The following GPC6 variants were observed in gnomAD, a reference collection of about 807,000 sequenced individuals.
The protein encoded by GPC6 is glypican 6, also known as glypican-6.
GPC6 carries 14 observed loss-of-function variants against 55.2 expected under a neutral mutation model. The observed-to-expected ratio is 0.25, with a 90% CI of 0.17 to 0.40. The LOEUF is 0.40. Among genes scored for constraint, GPC6 ranks in the 10% least tolerant of loss-of-function variants. GPC6 has a pLI of 1.00. For synonymous variants in GPC6, 278 were observed against 259.6 expected (o/e 1.07, Z -0.68); for missense variants, 641 against 708.5 (o/e 0.90, Z 1.08).
At chr13:93,528,334 C>CA (rs368744682) in intron 1 of GPC6, among the ~76,000 whole-genome samples, 2 of 152,234 alleles carry the variant, frequency 1.3e-5, no homozygotes, top group African/African-American at 4.8e-5. Flanking sequence ...ACTGCAACTG[C>CA]AATAAACTTG....
intron 1 of GPC6, among the ~76,000 whole-genome samples, chr13:93,489,390 A>G (rs1396455531): frequency 2.0e-5 from 3 of 151,308 alleles, no homozygotes; most frequent in Admixed American, 6.6e-5. Flanking sequence ...AGTATAGTTT[A>G]AAGACAGGTA....
At chr13:93,347,357 G>A (rs919422848) in intron 1 of GPC6, among the ~76,000 whole-genome samples, 16 of 152,102 alleles carry the variant, frequency 1.1e-4, no homozygotes, top group African/African-American at 3.6e-4. Context: ...TTATCTTCCT[G>A]ATGTTGCAAG....
chr13:94,146,378 C>T (rs1007681652), intron 4 of GPC6, among the ~76,000 whole-genome samples: 6 of 152,074 alleles, frequency 3.9e-5, no homozygotes, highest in African/African-American at 1.4e-4. Context: ...GACAGTCTCA[C>T]CAATCAAGTA....
chr13:93,860,171 C>T (rs1239359212), intron 3 of GPC6, among the ~76,000 whole-genome samples: 1 of 151,570 alleles, frequency 6.6e-6, no homozygotes, highest in East Asian at 2.0e-4. Flanking sequence ...ATTCTTTCTT[C>T]AGAGGTTCTT....
rs564562503 is a variant in GPC6 at position 93,812,385 on chromosome 13, C to CT, written c.320-17769_320-17768insT. Reference sequence around the variant, plus strand: ...TGGGTGACAGAGCAAGACTCTGTCTCGGAAAAAAAAAAAAGAAGGAGATCT... The same window carrying CT: ...TGGGTGACAGAGCAAGACTCTGTCTCTGGAAAAAAAAAAAAGAAGGAGATCT... On this transcript the variant is annotated intron_variant, in intron 2 of 8. Coordinates refer to ENST00000377047, the MANE Select transcript of GPC6 (RefSeq NM_005708.5). Among the ~76,000 whole-genome samples the CT allele has an allele frequency of 3.0e-3, 438 of 147,790 alleles. 1 individual carries two copies. The highest frequency in any genetic ancestry group is 0.01 in the African/African-American group (417 of 39,864).
At chr13:93,261,600 G>A (rs1877151220) in intron 1 of GPC6, among the ~76,000 whole-genome samples, 1 of 152,226 alleles carries the variant, frequency 6.6e-6, no homozygotes, top group Admixed American at 6.5e-5. Flanking sequence ...AGAGAAAACA[G>A]TGTCTATTCC....
Position 94,272,579 on chromosome 13 carries a change from T to C in GPC6, c.878-13770T>C, listed in dbSNP as rs577397510. The stretch of plus-strand genomic sequence containing the variant: ...CGCCTCCCAGGTTCATGCCATTCTC[T>C]TGCCTCAGCCTCCCAAGTAGCTGGG... On this transcript the variant is annotated intron_variant, in intron 4 of 8. Coordinates refer to ENST00000377047, the MANE Select transcript of GPC6 (RefSeq NM_005708.5). 1.2e-3 allele frequency among the ~76,000 whole-genome samples: 184 copies of C among 150,204 alleles called. 2 individuals are homozygous for C. The highest frequency in any genetic ancestry group is 3.4e-3 in the Middle Eastern group (1 of 294).
At chr13:94,301,822 C>T (rs765942067) in intron 5 of GPC6, among the ~76,000 whole-genome samples, 3 of 152,184 alleles carry the variant, frequency 2.0e-5, no homozygotes, top group Non-Finnish European at 2.9e-5. Context: ...CCATCTCCAG[C>T]CATAACCAAC....
chr13:93,311,414 C>A (rs1879063679), intron 1 of GPC6, among the ~76,000 whole-genome samples: 1 of 152,154 alleles, frequency 6.6e-6, no homozygotes, highest in African/African-American at 2.4e-5. Context: ...GCCCTGGACT[C>A]ATCTTAAGTC....
intron 6 of GPC6, among the ~76,000 whole-genome samples, chr13:94,368,179 C>G (rs1038565620): frequency 6.6e-6 from 1 of 151,042 alleles, no homozygotes; most frequent in Non-Finnish European, 1.5e-5. Context: ...ACCACACCAC[C>G]GCGAAAATAT....
chr13:93,842,133 C>G (rs1887975652), intron 3 of GPC6, among the ~76,000 whole-genome samples: 1 of 151,998 alleles, frequency 6.6e-6, no homozygotes, highest in East Asian at 1.9e-4. Flanking sequence ...TGAAAATGGA[C>G]AACATTTAGT....
intron 4 of GPC6, among the ~76,000 whole-genome samples, chr13:94,113,987 A>G (rs1377215244): frequency 6.9e-6 from 1 of 145,870 alleles, no homozygotes; most frequent in African/African-American, 2.6e-5. Flanking sequence ...ACTGCACTCC[A>G]GCCTGAGTGA....
At chr13:94,213,554 C>G (rs956852100) in intron 4 of GPC6, among the ~76,000 whole-genome samples, 2 of 152,196 alleles carry the variant, frequency 1.3e-5, no homozygotes, top group Non-Finnish European at 2.9e-5. Flanking sequence ...CCTCATGCCC[C>G]TGTGGGTAGC....
intron 1 of GPC6, among the ~76,000 whole-genome samples, chr13:93,500,139 T>C (rs1880468069): frequency 6.6e-6 from 1 of 152,150 alleles, no homozygotes; most frequent in Admixed American, 6.6e-5. Context: ...CACGAGCAGA[T>C]AGGACAGATG....
intron 4 of GPC6, among the ~76,000 whole-genome samples, chr13:94,093,136 T>A (rs1469556378): frequency 6.6e-6 from 1 of 152,146 alleles, no homozygotes; most frequent in African/African-American, 2.4e-5. Flanking sequence ...CATTTGTCTA[T>A]TTTTGCTTTT....
intron 2 of GPC6, among the ~76,000 whole-genome samples, chr13:93,586,186 C>T (rs530231204): frequency 6.6e-6 from 1 of 152,190 alleles, no homozygotes; most frequent in South Asian, 2.1e-4. Flanking sequence ...TCATTTAGCT[C>T]CCACTTATAA....
rs150715230 is a variant in GPC6 at position 93,724,140 on chromosome 13, C to T, written c.320-106014C>T. On this transcript the variant is annotated intron_variant, in intron 2 of 8. Transcript: ENST00000377047. ...ATAACTTATTTTCATAAGCTTTTAC[C>T]GATGGTACTGGCCATGCTAGCTTCA... 1.5e-3 allele frequency among the ~76,000 whole-genome samples: 232 copies of T among 151,592 alleles called. 1 individual carries two copies. Among genetic ancestry groups the T allele is most frequent in the African/African-American group, 5.5e-3 (229 of 41,376 alleles).
chr13:94,013,867 G>T (rs74111405), intron 3 of GPC6, among the ~76,000 whole-genome samples: 5,901 of 152,254 alleles, frequency 0.039, 385 homozygotes, highest in African/African-American at 0.13. Context: ...TTATTAGATA[G>T]GCAAATTATG....
chr13:93,676,336 G>T (rs1235954599), intron 2 of GPC6, among the ~76,000 whole-genome samples: 2 of 151,256 alleles, frequency 1.3e-5, no homozygotes, highest in African/African-American at 4.9e-5. Flanking sequence ...AGAATCTCTT[G>T]AACCCGGGTA....
Sources: allele counts gnomAD v4.1 joint callset (sites outside exome capture counted in the v4.1 genomes callset), GRCh38; gene constraint gnomAD v4.1.1; transcripts MANE v1.5; gene names NCBI Gene and HGNC (gene_info 2026-07-23, HGNC 2026-07-21).